The following GCG variants were observed in gnomAD, a reference collection of about 807,000 sequenced individuals.
GCG encodes pro-glucagon.
A neutral mutation model predicts 22.8 loss-of-function variants in GCG; 11 were observed. The observed-to-expected ratio is 0.48, with a 90% CI of 0.30 to 0.80. GCG has a LOEUF of 0.80. GCG is among the 30% of genes least tolerant of loss of function. The probability of loss-of-function intolerance (pLI) is 0.06; values close to 1 mark genes in which losing one functional copy is unlikely to be tolerated. For synonymous variants in GCG, 89 were observed against 72.4 expected, an observed-to-expected ratio of 1.23 and a Z score of -1.16; for missense variants, 222 against 222.0, an observed-to-expected ratio of 1.00 and a Z score of 0.00.
At chr2:162,143,566 C>T (rs1461149729) in intron 5 of GCG, among the ~76,000 whole-genome samples, 196 bp from the exon 6 acceptor site, 1 of 152,012 alleles carries the variant, frequency 6.6e-6, no homozygotes, top group East Asian at 1.9e-4. Flanking sequence ...CTCATCAATG[C>T]TATCAAACAA....
chr2:162,147,905 T>C (rs1380508462), intron 2 of GCG, among the ~76,000 whole-genome samples: 1 of 152,168 alleles, frequency 6.6e-6, no homozygotes, highest in African/African-American at 2.4e-5. Flanking sequence ...CTCCCAATTT[T>C]GTTTTGCATA....
In GCG at chr2:162,147,526, A is replaced by G; in HGVS notation, c.93-12T>C. 6.2e-7 allele frequency: 1 copy of G among 1,611,972 alleles called. No homozygotes were observed. Among genetic ancestry groups the G allele is most frequent in the Non-Finnish European group, 8.5e-7 (1 of 1,178,262 alleles). On this transcript the variant is annotated splice_polypyrimidine_tract_variant and intron_variant, in intron 2 of 5. Transcript: ENST00000418842. ...AAGCTGAGAATGATCTGTGAAGAAC[A>G]GTGATTGGTACAACATAAATCTCTC...
At chr2:162,150,406 G>A (rs748410432) in intron 1 of GCG, among the ~76,000 whole-genome samples, 1 of 151,874 alleles carries the variant, frequency 6.6e-6, no homozygotes, top group South Asian at 2.1e-4. Flanking sequence ...ACTATCTCTG[G>A]CACTAAAACA....
Position 162,143,226 on chromosome 2 carries a change from T to C in GCG, c.*138A>G, listed in dbSNP as rs1254077956. On this transcript the variant is annotated 3_prime_UTR_variant, in exon 6 of 6. Coordinates refer to ENST00000418842, the MANE Select transcript of GCG (RefSeq NM_002054.5). ...TTTGTAATTTTTGGCTACACAACAC[T>C]AAAAGAAAATTTATTTATTGGCATG... The C allele has an allele frequency of 4.6e-6, 2 of 439,246 alleles. No individual in the cohort carries two copies. The highest frequency in any genetic ancestry group is 8.3e-6 in the Non-Finnish European group (2 of 240,854). 27.2% of individuals were successfully genotyped at this position (439,246 alleles called of 1,614,324 possible).
At chr2:162,150,755 A>G (rs1271124599) in intron 1 of GCG, among the ~76,000 whole-genome samples, 1 of 152,132 alleles carries the variant, frequency 6.6e-6, no homozygotes, top group African/African-American at 2.4e-5. Context: ...AGTCTTTCAC[A>G]AGACTGAAAA....
chr2:162,151,856 A>G (rs185983811), intron 1 of GCG, among the ~76,000 whole-genome samples: 122 of 152,332 alleles, frequency 8.0e-4, no homozygotes, highest in Non-Finnish European at 1.5e-3. Flanking sequence ...GTTACCAATT[A>G]TTTTAAAATA....
intron 1 of GCG, among the ~76,000 whole-genome samples, chr2:162,151,013 A>C (rs542696204): frequency 1.2e-3 from 171 of 143,040 alleles, no homozygotes; most frequent in Non-Finnish European, 1.9e-3. Flanking sequence ...TCGAATTGTG[A>C]AAAAAAAAAG....
In GCG at chr2:162,144,182, A is replaced by G. The variant is rs781016147; in HGVS notation, c.393-12T>C. 9.4e-6 allele frequency: 15 copies of G among 1,603,862 alleles called. No individual in the cohort carries two copies. The highest frequency in any genetic ancestry group is 1.3e-5 in the Non-Finnish European group (15 of 1,171,084). On this transcript the variant is annotated splice_polypyrimidine_tract_variant and intron_variant, in intron 4 of 5. Coordinates refer to ENST00000418842, the MANE Select transcript of GCG (RefSeq NM_002054.5). ...CCTCTTCTGGGAAACTAAGAAAATA[A>G]GTGTTAAAATTAGCGTTTGATTAGA...
In GCG at chr2:162,152,213, G is replaced by A. The variant is rs1365753959; in HGVS notation, c.-65C>T. The A allele has an allele frequency of 6.6e-6, 1 of 152,540 alleles. No individual in the cohort carries two copies. The highest frequency in any genetic ancestry group is 1.9e-4 in the East Asian group (1 of 5,192). 9.4% of individuals were successfully genotyped at this position (152,540 alleles called of 1,614,324 possible). A position where few individuals can be genotyped will look rare whatever the true frequency, so the allele number is the denominator to read the frequency against. ...GTGAAGAGAGAGCAAGCCCTCTTTG[G>A]GAACTTTTGATGTGCTCTGTGTCCT... On this transcript the variant is annotated 5_prime_UTR_variant, in exon 1 of 6. Coordinates refer to ENST00000418842, the MANE Select transcript of GCG (RefSeq NM_002054.5).
At chr2:162,146,322 T>C (rs1280262983) in intron 3 of GCG, among the ~76,000 whole-genome samples, 2 of 152,122 alleles carry the variant, frequency 1.3e-5, no homozygotes, top group Non-Finnish European at 2.9e-5. Context: ...TTGCTTTACA[T>C]CCATTTACCA....
chr2:162,147,245 G>C, intron 3 of GCG, 108 bp downstream of exon 3: 1 of 816,900 alleles, frequency 1.2e-6, no homozygotes, highest in African/African-American at 1.7e-5. Context: ...AATGATCAGG[G>C]CTTATGGGCA....
In GCG at chr2:162,149,112, G is replaced by A; in HGVS notation, c.67C>T (p.Leu23Phe). Reference protein sequence around the residue: ...MLVQGSWQRSLQDTEEKSRSF... With the variant: ...MLVQGSWQRSFQDTEEKSRSF... Reference sequence around the variant, plus strand: ...CTGGATTTCTCCTCTGTGTCTTGAAGGGAACGTTGCCAGCTGCCTTGTACC... The same window carrying A: ...CTGGATTTCTCCTCTGTGTCTTGAAAGGAACGTTGCCAGCTGCCTTGTACC... Residue 23 changes from leucine to phenylalanine, a missense_variant, in exon 2 of 6, where the codon CTT becomes TTT. Transcript: ENST00000418842. 5.0e-6 allele frequency: 8 copies of A among 1,610,808 alleles called. No homozygotes were observed. Among genetic ancestry groups the A allele is most frequent in the Non-Finnish European group, 6.8e-6 (8 of 1,177,280 alleles).
At chr2:162,143,971 A>C (rs1002367540) in intron 5 of GCG, 56 bp downstream of exon 5, 55 of 1,471,358 alleles carry the variant, frequency 3.7e-5, no homozygotes, top group Non-Finnish European at 5.1e-5. Context: ...CAGCAGTATG[A>C]CAATCAGTAC....
Position 162,147,522 on chromosome 2 carries a change from G to C in GCG, c.93-8C>G. The C allele has an allele frequency of 2.5e-6, 4 of 1,612,150 alleles. No homozygotes were observed. Among genetic ancestry groups the C allele is most frequent in the Non-Finnish European group, 2.5e-6 (3 of 1,178,496 alleles). On this transcript the variant is annotated splice_region_variant and splice_polypyrimidine_tract_variant and intron_variant, in intron 2 of 5. Coordinates refer to ENST00000418842, the MANE Select transcript of GCG (RefSeq NM_002054.5). ...TGGGAAGCTGAGAATGATCTGTGAA[G>C]AACAGTGATTGGTACAACATAAATC...
At chr2:162,148,922 C>T (rs1444507922) in intron 2 of GCG, among the ~76,000 whole-genome samples, 165 bp downstream of exon 2, 1 of 152,130 alleles carries the variant, frequency 6.6e-6, no homozygotes, top group Non-Finnish European at 1.5e-5. Flanking sequence ...AAACTCTGAT[C>T]TACACTCCAA....
intron 3 of GCG, among the ~76,000 whole-genome samples, chr2:162,146,560 CT>C (rs1369772422): frequency 1.3e-5 from 2 of 150,500 alleles, no homozygotes; most frequent in African/African-American, 5.0e-5. Flanking sequence ...CTCTCTCTCT[CT>C]CTCTCTCTCT....
At chr2:162,151,794 A>T (rs1420065811) in intron 1 of GCG, among the ~76,000 whole-genome samples, 5 of 152,180 alleles carry the variant, frequency 3.3e-5, no homozygotes. Context: ...CCTTCTGTTC[A>T]AAGTAGTATA....
At chr2:162,149,220 G>A (rs757576618) in intron 1 of GCG, 33 bp from the exon 2 acceptor site, 2 of 1,236,230 alleles carry the variant, frequency 1.6e-6, no homozygotes, top group Non-Finnish European at 1.2e-6. Context: ...TAGGGTGAGG[G>A]GGGCAGGCAA....
chr2:162,145,744 A>T, intron 3 of GCG, 67 bp from the exon 4 acceptor site: 1 of 1,397,476 alleles, frequency 7.2e-7, no homozygotes, highest in Non-Finnish European at 9.9e-7. Flanking sequence ...ACCTATAAGC[A>T]GTGGCAACTT....
Sources: gnomAD v4.1 joint callset for allele counts (sites outside exome capture counted in the v4.1 genomes callset) on GRCh38, gnomAD v4.1.1 for gene constraint, MANE v1.5 for transcripts, NCBI Gene and HGNC (gene_info 2026-07-23, HGNC 2026-07-21) for gene names.